TBC1D7: variants seen among roughly 807,000 people sequenced by gnomAD.
TBC1D7 encodes the protein TBC1 domain family member 7.
A neutral mutation model predicts 35.3 loss-of-function variants in TBC1D7; 33 were observed. The observed-to-expected ratio is 0.93, with a 90% CI of 0.71 to 1.25. The LOEUF (loss-of-function observed/expected upper bound fraction) is 1.25. Ranked by LOEUF, TBC1D7 falls within the 50% of genes most tolerant of loss-of-function variation. TBC1D7 has a pLI of 0.00. For missense variants in TBC1D7, 362 were observed against 365.3 expected, an observed-to-expected ratio of 0.99 and a Z score of 0.07; for synonymous variants, 135 against 129.5, an observed-to-expected ratio of 1.04 and a Z score of -0.29.
At chr6:13,325,039 G>A (rs1246799656) in intron 3 of TBC1D7, 55 bp downstream of exon 3, 1 of 1,311,634 alleles carries the variant, frequency 7.6e-7, no homozygotes, top group Non-Finnish European at 1.1e-6. Flanking sequence ...GATAGCAAAT[G>A]ATCCCTTCAT....
intron 5 of TBC1D7, among the ~76,000 whole-genome samples, chr6:13,313,704 T>A (rs928276172): frequency 1.3e-5 from 2 of 152,146 alleles, no homozygotes; most frequent in African/African-American, 4.8e-5. Flanking sequence ...CTTTCAACCC[T>A]TAACTACACT....
At position 13,321,176 on chromosome 6, in the gene TBC1D7, G is replaced by A. The variant is rs147894368; in HGVS notation, c.194-81C>T. 167 of 1,227,654 alleles carry A rather than the reference G, an allele frequency of 1.4e-4. 1 individual carries two copies. In the African/African-American group the frequency reaches 1.9e-3, roughly 14 times the overall value. 76.0% of individuals were successfully genotyped at this position (1,227,654 alleles called of 1,614,324 possible). On this transcript the variant is annotated intron_variant, in intron 3 of 7. Transcript: ENST00000379300. The stretch of plus-strand genomic sequence containing the variant: ...TCCCTCATCTATGAAAGAGGATGCC[G>A]TGAGAAGCGACCCACACAATTAGGC...
chr6:13,306,526 C>T lies in TBC1D7; in HGVS notation c.667G>A (p.Val223Ile), dbSNP rs1782819928. ...GATCCACTCACAACTTTATCCCAAA[C>T]CCTACAAAAATAAGGAGATATAATC... ...GCLPESSLQR[V>I]WDKVVSGSCK... The change falls in exon 7 of 8, where the codon GTT becomes ATT. Residue 223 changes from valine (V) to isoleucine (I), a missense_variant and splice_region_variant. Transcript: ENST00000379300. 5 of 1,586,012 alleles carry T rather than the reference C, an allele frequency of 3.2e-6. No homozygotes were observed. The highest frequency in any genetic ancestry group is 1.2e-5 in the South Asian group (1 of 86,440).
chr6:13,324,782 G>C (rs1007780600), intron 3 of TBC1D7, among the ~76,000 whole-genome samples: 3 of 152,180 alleles, frequency 2.0e-5, no homozygotes, highest in African/African-American at 7.2e-5. Context: ...TCAGTTTATA[G>C]ATGCAAAAAA....
At chr6:13,306,340 T>G (rs1457012423) in intron 7 of TBC1D7, 58 bp downstream of exon 7, 2 of 1,519,030 alleles carry the variant, frequency 1.3e-6, no homozygotes, top group Non-Finnish European at 1.8e-6. Flanking sequence ...AACAGGAAAA[T>G]CTGACTTGCT....
At chr6:13,305,469 G>T in intron 7 of TBC1D7, 1 of 480,586 alleles carries the variant, frequency 2.1e-6, no homozygotes, top group Non-Finnish European at 3.8e-6. Flanking sequence ...TGGGGGAAAT[G>T]ATAGCCTGAC....
At position 13,307,648 on chromosome 6, in the gene TBC1D7, C is replaced by G. The variant is rs770673088; in HGVS notation, c.617G>C (p.Trp206Ser). ...ACATCCCGCAAAGCACCTCTTGAAC[C>G]AGAGATCATAAGGAAGTTTGGGCGC... is the stretch of plus-strand genomic sequence containing the variant. ...SAAPKLPYDL[W>S]FKRCFAGCLP... Residue 206 changes from tryptophan to serine, a missense_variant, in exon 6 of 8, where the codon TGG becomes TCG. Transcript: ENST00000379300. 6.2e-7 allele frequency: 1 copy of G among 1,614,122 alleles called. No homozygotes were observed. Among genetic ancestry groups the G allele is most frequent in the Non-Finnish European group, 8.5e-7 (1 of 1,180,024 alleles).
rs6929987 is a variant in TBC1D7, at chr6:13,328,506, G to A, written c.-219C>T. On this transcript the variant is annotated 5_prime_UTR_variant, in exon 1 of 8. Coordinates refer to ENST00000379300, the MANE Select transcript of TBC1D7 (RefSeq NM_016495.6). ...GGCCCGGGAGACAAAACTCAGCGCC[G>A]CTGCCGCTGCCGCTGCCGCCGCCGC... 1,410 of 156,204 alleles carry A rather than the reference G, an allele frequency of 9.0e-3. 34 individuals carry two copies. The East Asian group carries it at 0.095, about 11-fold the overall frequency. 9.7% of individuals were successfully genotyped at this position (156,204 alleles called of 1,614,324 possible). A position where few individuals can be genotyped will look rare whatever the true frequency, so the allele number is the denominator to read the frequency against.
At chr6:13,315,531 C>T (rs974009133) in intron 5 of TBC1D7, among the ~76,000 whole-genome samples, 2 of 151,982 alleles carry the variant, frequency 1.3e-5, no homozygotes, top group African/African-American at 2.4e-5. Flanking sequence ...CTGACCAACA[C>T]GATGCAACCC....
chr6:13,307,434 C>A (rs1455200951), intron 6 of TBC1D7, 166 bp downstream of exon 6: 3 of 685,914 alleles, frequency 4.4e-6, no homozygotes, highest in Non-Finnish European at 7.4e-6. Flanking sequence ...ATTGTATATT[C>A]AAGAATAAGC....
rs763878925 is a variant in TBC1D7 at position 13,324,091 on chromosome 6, C to T, written c.193+1003G>A. On this transcript the variant is annotated intron_variant, in intron 3 of 7. Transcript: ENST00000379300. ...CAGGGAATTTAGTACTCGCCACTAT[C>T]TTACAGTGAACAAACTGTAAGTTTT... Among the ~76,000 whole-genome samples the T allele has an allele frequency of 5.5e-4, 84 of 152,078 alleles. 2 individuals are homozygous for T. The highest frequency in any genetic ancestry group is 1.6e-4 in the Non-Finnish European group (11 of 68,018).
chr6:13,320,603 T>C (rs1584561126), intron 4 of TBC1D7: 3 of 586,358 alleles, frequency 5.1e-6, no homozygotes, highest in Admixed American at 3.1e-5. Context: ...TAGAAAAAAG[T>C]TGCATAATGT....
Position 13,326,968 on chromosome 6 carries a change from A to T in TBC1D7, c.-8-62T>A, listed in dbSNP as rs147018303. 7.9e-4 allele frequency: 715 copies of T among 906,912 alleles called. 2 individuals carry two copies. The African/African-American group carries it at 0.011, about 14-fold the overall frequency. The allele number at this position is 906,912 out of a possible 1,614,324, so 56.2% of individuals were successfully genotyped here. A position where few individuals can be genotyped will look rare whatever the true frequency, so the allele number is the denominator to read the frequency against. On this transcript the variant is annotated intron_variant, in intron 1 of 7. Transcript: ENST00000379300. ...AGACGAAGGGGAAAAGTGAGTCTAGAAACAAAGAGTCAAGAATTAGAATAA... is the reference window on the plus strand; with the variant it reads ...AGACGAAGGGGAAAAGTGAGTCTAGTAACAAAGAGTCAAGAATTAGAATAA...
intron 3 of TBC1D7, among the ~76,000 whole-genome samples, chr6:13,324,247 C>T (rs1181547125): frequency 6.6e-6 from 1 of 152,056 alleles, no homozygotes; most frequent in Non-Finnish European, 1.5e-5. Flanking sequence ...CCTTCCTCAG[C>T]CTTCCAGGTA....
intron 4 of TBC1D7, chr6:13,318,172 T>G (rs1454640472): frequency 6.6e-6 from 1 of 152,356 alleles, no homozygotes; most frequent in African/African-American, 2.4e-5. Context: ...ATGTAGCCCC[T>G]GAATCCTGGA....
intron 3 of TBC1D7, among the ~76,000 whole-genome samples, chr6:13,324,755 A>G (rs747084553): frequency 2.0e-4 from 30 of 152,336 alleles, no homozygotes; most frequent in Middle Eastern, 3.4e-3. Flanking sequence ...AACTAGGAGT[A>G]ATTTAGCTCA....
chr6:13,313,096 G>A (rs1469645069), intron 5 of TBC1D7, among the ~76,000 whole-genome samples: 1 of 152,120 alleles, frequency 6.6e-6, no homozygotes, highest in African/African-American at 2.4e-5. Flanking sequence ...TATACAGGAA[G>A]AGATGTGTAG....
intron 4 of TBC1D7, among the ~76,000 whole-genome samples, chr6:13,318,559 C>T (rs1335479310): frequency 6.6e-6 from 1 of 152,152 alleles, no homozygotes; most frequent in East Asian, 1.9e-4. Flanking sequence ...GGGACCTTCT[C>T]TCTCGATAAA....
chr6:13,305,794 T>C (rs1782767409), intron 7 of TBC1D7: 1 of 168,008 alleles, frequency 6.0e-6, no homozygotes, highest in South Asian at 1.3e-4. Flanking sequence ...TTCAGCAATA[T>C]ACTAGGTTAA....
Sources: allele counts gnomAD v4.1 joint callset (sites outside exome capture counted in the v4.1 genomes callset), GRCh38; gene constraint gnomAD v4.1.1; transcripts MANE v1.5; gene names NCBI Gene and HGNC (gene_info 2026-07-23, HGNC 2026-07-21).